PPARGC1A: variants seen among roughly 807,000 people sequenced by gnomAD.
PPARGC1A encodes peroxisome proliferator-activated receptor gamma coactivator 1-alpha.
PPARGC1A carries 25 observed loss-of-function variants against 88.7 expected under a neutral mutation model. The observed-to-expected ratio is 0.28, with a 90% CI of 0.21 to 0.39. The LOEUF is 0.39. Ranked by LOEUF, PPARGC1A falls within the 10% of genes least tolerant of loss-of-function variation. PPARGC1A has a pLI of 1.00. For synonymous variants in PPARGC1A, 363 were observed against 355.6 expected (o/e 1.02, Z -0.24); for missense variants, 880 against 968.7 (o/e 0.91, Z 1.22).
chr4:23,880,389 C>A (rs1223340966), intron 2 of PPARGC1A, among the ~76,000 whole-genome samples: 1 of 152,174 alleles, frequency 6.6e-6, no homozygotes, highest in Non-Finnish European at 1.5e-5. Flanking sequence ...TGAAGATCAA[C>A]TCACTCATTA....
At chr4:23,982,033 T>A in the PPARGC1A span, among the ~76,000 whole-genome samples, 1,720 of 152,176 alleles carry the variant, frequency 0.011, 31 homozygotes, top group African/African-American at 0.038. Context: ...CTCACACACA[T>A]CAAGAAAATG....
the PPARGC1A span, among the ~76,000 whole-genome samples, chr4:24,133,445 C>T: frequency 1.3e-5 from 2 of 152,162 alleles, no homozygotes; most frequent in Non-Finnish European, 2.9e-5. Context: ...TATTTGCAAG[C>T]ACAATACAGT....
the PPARGC1A span, among the ~76,000 whole-genome samples, chr4:24,350,346 C>G: frequency 1.3e-5 from 2 of 152,278 alleles, no homozygotes; most frequent in African/African-American, 4.8e-5. Flanking sequence ...GTAAAGCTGC[C>G]CTGTGGCTGG....
At chr4:24,436,740 C>T in the PPARGC1A span, among the ~76,000 whole-genome samples, 16 of 139,372 alleles carry the variant, frequency 1.1e-4, no homozygotes, top group South Asian at 3.0e-3. Context: ...CCCCAGAGCC[C>T]GGGTCACAGA....
the PPARGC1A span, among the ~76,000 whole-genome samples, chr4:24,388,964 A>G: frequency 3.9e-5 from 6 of 152,200 alleles, no homozygotes; most frequent in Non-Finnish European, 8.8e-5. Flanking sequence ...AACTTAAAGT[A>G]TAATAATCAT....
the PPARGC1A span, among the ~76,000 whole-genome samples, chr4:24,131,067 A>T: frequency 6.6e-6 from 1 of 152,138 alleles, no homozygotes; most frequent in Non-Finnish European, 1.5e-5. Flanking sequence ...GCAACTTTAC[A>T]GCACTTCTTT....
chr4:24,381,363 A>G, the PPARGC1A span, among the ~76,000 whole-genome samples: 8 of 152,244 alleles, frequency 5.3e-5, no homozygotes, highest in African/African-American at 1.9e-4. Flanking sequence ...GAACTGGGAA[A>G]GAAAGCACCA....
the PPARGC1A span, among the ~76,000 whole-genome samples, chr4:24,260,702 C>T: frequency 4.6e-5 from 7 of 151,850 alleles, no homozygotes; most frequent in Non-Finnish European, 8.8e-5. Context: ...CATGGTTCCT[C>T]ACCCCCTACA....
chr4:24,448,741 C>A, the PPARGC1A span, among the ~76,000 whole-genome samples: 47 of 152,224 alleles, frequency 3.1e-4, no homozygotes, highest in Admixed American at 1.8e-3. Flanking sequence ...CTGTGACCAC[C>A]CCTAGTCTGA....
At chr4:24,131,053 C>T in the PPARGC1A span, among the ~76,000 whole-genome samples, 6 of 152,202 alleles carry the variant, frequency 3.9e-5, no homozygotes, top group Non-Finnish European at 7.3e-5. Context: ...TCCTTCATCA[C>T]ACTGCAACTT....
chr4:24,461,652 A>G, the PPARGC1A span, among the ~76,000 whole-genome samples: 1 of 151,950 alleles, frequency 6.6e-6, no homozygotes, highest in Non-Finnish European at 1.5e-5. Flanking sequence ...CTCTTACTAA[A>G]TGAAAGCTCT....
At chr4:24,005,081 G>T in the PPARGC1A span, among the ~76,000 whole-genome samples, 2 of 152,100 alleles carry the variant, frequency 1.3e-5, no homozygotes, top group Non-Finnish European at 2.9e-5. Flanking sequence ...CTTAAGACAG[G>T]TCCTTGAAGA....
chr4:24,212,657 C>T, the PPARGC1A span, among the ~76,000 whole-genome samples: 1 of 152,194 alleles, frequency 6.6e-6, no homozygotes, highest in South Asian at 2.1e-4. Flanking sequence ...GTTGGGGATC[C>T]TGGAGCCAAC....
At chr4:24,370,441 C>G in the PPARGC1A span, among the ~76,000 whole-genome samples, 1 of 151,960 alleles carries the variant, frequency 6.6e-6, no homozygotes, top group Non-Finnish European at 1.5e-5. Context: ...ATACAAATAA[C>G]ACAAAAAAAG....
At chr4:24,409,098 T>C in the PPARGC1A span, among the ~76,000 whole-genome samples, 48 of 152,330 alleles carry the variant, frequency 3.2e-4, no homozygotes, top group South Asian at 4.4e-3. Flanking sequence ...TTCTTCTCTA[T>C]AATCTTGAAT....
At chr4:24,277,570 A>G in the PPARGC1A span, among the ~76,000 whole-genome samples, 2 of 152,072 alleles carry the variant, frequency 1.3e-5, no homozygotes, top group African/African-American at 2.4e-5. Context: ...TCAGCACTCT[A>G]TTGATTATTA....
At chr4:23,874,931 A>G (rs926876125) in intron 2 of PPARGC1A, among the ~76,000 whole-genome samples, 1 of 152,252 alleles carries the variant, frequency 6.6e-6, no homozygotes. Context: ...GTGGGATGAA[A>G]TGAAGGAACC....
chr4:23,878,718 CAGG>C (rs2148812164), intron 2 of PPARGC1A, among the ~76,000 whole-genome samples: 1 of 152,290 alleles, frequency 6.6e-6, no homozygotes, highest in South Asian at 2.1e-4. Context: ...GATAAGCCGA[CAGG>C]AGAGGCTGAA....
the PPARGC1A span, among the ~76,000 whole-genome samples, chr4:24,165,842 C>G: frequency 6.6e-6 from 1 of 152,126 alleles, no homozygotes; most frequent in East Asian, 1.9e-4. Context: ...TCCCTATTCC[C>G]TGAGACACAC....
Sources: gnomAD v4.1 joint callset for allele counts (sites outside exome capture counted in the v4.1 genomes callset) on GRCh38, gnomAD v4.1.1 for gene constraint, MANE v1.5 for transcripts, NCBI Gene and HGNC (gene_info 2026-07-23, HGNC 2026-07-21) for gene names.